The following GKAP1 variants were observed in gnomAD, a reference collection of about 807,000 sequenced individuals.
GKAP1 encodes the protein G kinase anchoring protein 1.
In GKAP1, 31 loss-of-function variants were observed where a neutral mutation model predicts 56.7. The observed-to-expected ratio is 0.55, with a 90% CI of 0.41 to 0.74. GKAP1 has a LOEUF of 0.74. GKAP1 is among the 30% of genes least tolerant of loss of function. The pLI is 0.00. For missense variants in GKAP1, 364 were observed against 402.3 expected (o/e 0.90, Z 0.82); for synonymous variants, 151 against 138.6 (o/e 1.09, Z -0.63).
At chr9:83,779,610 T>TAC (rs536500445) in intron 7 of GKAP1, among the ~76,000 whole-genome samples, 4,997 of 84,202 alleles carry the variant, frequency 0.059, 213 homozygotes, top group East Asian at 0.3. Context: ...TATATACACA[T>TAC]ATACACACAC....
In GKAP1 at chr9:83,799,226, G is replaced by C. The variant is rs1944293576; in HGVS notation, c.319C>G (p.Arg107Gly). Residue 107 changes from arginine to glycine, a missense_variant, in exon 4 of 13, where the codon CGA becomes GGA. By Grantham distance (125) the Arg-to-Gly change is moderately radical (BLOSUM62 -2). Coordinates refer to ENST00000376371, the MANE Select transcript of GKAP1 (RefSeq NM_025211.4). ...PLSNPVQKDS[R>G]EENWQEWRQR... ...CTCCACTCTTGCCAATTTTCTTCTCGTGAATCCTTCTGTACTGGGTTTGAC... is the reference window on the plus strand; with the variant it reads ...CTCCACTCTTGCCAATTTTCTTCTCCTGAATCCTTCTGTACTGGGTTTGAC... The C allele has an allele frequency of 6.2e-7, 1 of 1,612,686 alleles. No homozygotes were observed. Among genetic ancestry groups the C allele is most frequent in the Admixed American group, 1.7e-5 (1 of 59,828 alleles).
intron 10 of GKAP1, among the ~76,000 whole-genome samples, chr9:83,745,343 T>C (rs1256275917): frequency 6.6e-6 from 1 of 152,178 alleles, no homozygotes; most frequent in Non-Finnish European, 1.5e-5. Flanking sequence ...TCTTGTGTGA[T>C]TTTGCAGAGA....
In GKAP1 at chr9:83,780,366, C is replaced by G; in HGVS notation, c.585+16G>C. On this transcript the variant is annotated intron_variant, in intron 7 of 12. Coordinates refer to ENST00000376371, the MANE Select transcript of GKAP1 (RefSeq NM_025211.4). ...ATCATCAGTGTTTTCTACAAGATGG[C>G]TACAATAAGACTTACCTCAGTCTTT... The G allele has an allele frequency of 7.8e-7, 1 of 1,285,650 alleles. No individual in the cohort carries two copies. Among genetic ancestry groups the G allele is most frequent in the Non-Finnish European group, 1.1e-6 (1 of 942,182 alleles). 79.6% of individuals were successfully genotyped at this position (1,285,650 alleles called of 1,614,324 possible).
chr9:83,776,890 C>CTGG (rs1273815359), intron 7 of GKAP1, among the ~76,000 whole-genome samples: 10 of 151,062 alleles, frequency 6.6e-5, no homozygotes, highest in African/African-American at 2.4e-4. Context: ...ATTATTTGTC[C>CTGG]ACGCTCATAA....
intron 8 of GKAP1, among the ~76,000 whole-genome samples, 188 bp from the exon 9 acceptor site, chr9:83,753,547 AT>A (rs1451642911): frequency 2.0e-5 from 3 of 152,218 alleles, no homozygotes; most frequent in African/African-American, 7.2e-5. Context: ...GCAAGGAAGT[AT>A]TTATAATTAA....
At chr9:83,767,290 G>A (rs1326255291) in intron 8 of GKAP1, among the ~76,000 whole-genome samples, 2 of 152,054 alleles carry the variant, frequency 1.3e-5, no homozygotes, top group Non-Finnish European at 2.9e-5. Context: ...GCAGAGGCTG[G>A]CAAACTTTTG....
chr9:83,771,551 T>C (rs1194557313), intron 7 of GKAP1, among the ~76,000 whole-genome samples: 1 of 152,226 alleles, frequency 6.6e-6, no homozygotes, highest in Non-Finnish European at 1.5e-5. Context: ...AAAATGGTTG[T>C]GCAACACTTT....
At chr9:83,770,309 C>A (rs931972181) in intron 7 of GKAP1, among the ~76,000 whole-genome samples, 1 of 152,108 alleles carries the variant, frequency 6.6e-6, no homozygotes, top group Admixed American at 6.5e-5. Context: ...GTTCTGTGAT[C>A]CATTTTGAGT....
At chr9:83,790,763 G>C (rs1385853989) in intron 4 of GKAP1, among the ~76,000 whole-genome samples, 2 of 151,926 alleles carry the variant, frequency 1.3e-5, no homozygotes, top group Non-Finnish European at 2.9e-5. Flanking sequence ...AGTGAGCTGA[G>C]ATTGCACCAC....
At chr9:83,754,940 T>C (rs776889469) in intron 8 of GKAP1, among the ~76,000 whole-genome samples, 3 of 152,296 alleles carry the variant, frequency 2.0e-5, no homozygotes, top group Admixed American at 6.5e-5. Context: ...CAAATAAGAT[T>C]ATGCTTTGGA....
At chr9:83,746,676 A>C (rs1205199367) in intron 10 of GKAP1, among the ~76,000 whole-genome samples, 1 of 151,868 alleles carries the variant, frequency 6.6e-6, no homozygotes, top group Non-Finnish European at 1.5e-5. Context: ...CCTGGGCAAC[A>C]GAGAAAGACT....
chr9:83,815,416 CAGA>C (rs576476538), intron 2 of GKAP1, among the ~76,000 whole-genome samples: 65 of 151,536 alleles, frequency 4.3e-4, no homozygotes, highest in Admixed American at 1.1e-3. Flanking sequence ...CCGACCCAAG[CAGA>C]AGAATTCCTA....
rs140809127 is a variant in GKAP1 at position 83,752,780 on chromosome 9, A to T, written c.840+478T>A. On this transcript the variant is annotated intron_variant, in intron 9 of 12. Coordinates refer to ENST00000376371, the MANE Select transcript of GKAP1 (RefSeq NM_025211.4). ...CCACAATAAAGTGGATTTTTAAAAA[A>T]CAAAATACAACCAGGCACGGTGGCT... 5.5e-3 allele frequency among the ~76,000 whole-genome samples: 842 copies of T among 152,232 alleles called. 7 individuals carry two copies. Among genetic ancestry groups the T allele is most frequent in the African/African-American group, 0.02 (815 of 41,534 alleles).
intron 8 of GKAP1, among the ~76,000 whole-genome samples, chr9:83,755,055 A>G (rs867879200): frequency 3.3e-5 from 5 of 152,238 alleles, no homozygotes; most frequent in Admixed American, 6.5e-5. Context: ...GAAGATGAAC[A>G]CTACAATCTA....
chr9:83,799,411 T>C (rs966258931), intron 3 of GKAP1, 83 bp from the exon 4 acceptor site: 31 of 1,028,892 alleles, frequency 3.0e-5, no homozygotes, highest in Admixed American at 1.9e-4. Context: ...AAAAAACCAA[T>C]GATATTTTTA....
chr9:83,758,973 C>T (rs910107276), intron 8 of GKAP1, among the ~76,000 whole-genome samples: 2 of 152,164 alleles, frequency 1.3e-5, no homozygotes, highest in East Asian at 3.8e-4. Flanking sequence ...CTCTCCTTTA[C>T]ACTTAATGAA....
At chr9:83,812,429 C>A (rs1944525123) in intron 2 of GKAP1, among the ~76,000 whole-genome samples, 1 of 150,444 alleles carries the variant, frequency 6.6e-6, no homozygotes, top group Non-Finnish European at 1.5e-5. Flanking sequence ...CTCACTGCAG[C>A]CTCAACTTCC....
intron 3 of GKAP1, among the ~76,000 whole-genome samples, chr9:83,805,514 G>A (rs1223676904): frequency 4.6e-5 from 7 of 151,586 alleles, no homozygotes; most frequent in African/African-American, 1.5e-4. Context: ...ATTGTAAACT[G>A]TGGATTCATT....
At chr9:83,773,768 C>T (rs1943803433) in intron 7 of GKAP1, among the ~76,000 whole-genome samples, 1 of 152,028 alleles carries the variant, frequency 6.6e-6, no homozygotes, top group Non-Finnish European at 1.5e-5. Flanking sequence ...AATTTTCATC[C>T]ATATACTCTA....
Sources: gnomAD v4.1 joint callset for allele counts (sites outside exome capture counted in the v4.1 genomes callset) on GRCh38, gnomAD v4.1.1 for gene constraint, MANE v1.5 for transcripts, NCBI Gene and HGNC (gene_info 2026-07-23, HGNC 2026-07-21) for gene names.